The following LPAR1 variants were observed in gnomAD, a reference collection of about 807,000 sequenced individuals.
LPAR1 encodes LPA receptor 1.
A neutral mutation model predicts 23.8 loss-of-function variants in LPAR1; 5 were observed. That is an observed-to-expected ratio of 0.21 (90% CI 0.11 to 0.44). The LOEUF (loss-of-function observed/expected upper bound fraction) is 0.44. Ranked by LOEUF, LPAR1 falls within the 20% of genes least tolerant of loss-of-function variation. The probability of loss-of-function intolerance (pLI) is 0.99; values close to 1 mark genes in which losing one functional copy is unlikely to be tolerated. For missense variants in LPAR1, 311 were observed against 482.8 expected, an observed-to-expected ratio of 0.64 and a Z score of 3.33; for synonymous variants, 160 against 164.7, an observed-to-expected ratio of 0.97 and a Z score of 0.22.
At chr9:110,932,952 A>G (rs1443948554) in intron 5 of LPAR1, among the ~76,000 whole-genome samples, 1 of 152,190 alleles carries the variant, frequency 6.6e-6, no homozygotes, top group Non-Finnish European at 1.5e-5. Context: ...GATCCATCTG[A>G]GGGAGCTCAT....
In LPAR1 at chr9:111,036,999, G is replaced by T. The variant is rs575244452; in HGVS notation, c.-261-798C>A. Among the ~76,000 whole-genome samples the T allele has an allele frequency of 1.4e-4, 22 of 151,952 alleles. No individual in the cohort carries two copies. In the South Asian group the frequency reaches 4.6e-3, roughly 32 times the overall value. ...CTCTAAAATACACCCTTTTTCCTTG[G>T]GACCCACTCTTCTATCCGGCAAGGG... On this transcript the variant is annotated intron_variant, in intron 1 of 5. Coordinates refer to ENST00000683809, the MANE Select transcript of LPAR1 (RefSeq NM_001351411.2).
At position 110,996,585 on chromosome 9, in the gene LPAR1, C is replaced by T. The variant is rs150631393; in HGVS notation, c.-181-23027G>A. ...AATTTCCTGGGGCTTGAGAAGGAAG[C>T]GTGTGCCAAAGGGCTGAGGTTACAG... On this transcript the variant is annotated intron_variant, in intron 2 of 5. Coordinates refer to ENST00000683809, the MANE Select transcript of LPAR1 (RefSeq NM_001351411.2). 6.5e-4 allele frequency among the ~76,000 whole-genome samples: 99 copies of T among 152,156 alleles called. No homozygotes were observed. In the East Asian group the frequency reaches 0.013, roughly 20 times the overall value.
intron 5 of LPAR1, among the ~76,000 whole-genome samples, chr9:110,921,731 C>T (rs1200520481): frequency 2.6e-5 from 4 of 152,188 alleles, no homozygotes; most frequent in Non-Finnish European, 5.9e-5. Context: ...TGTTATAAAG[C>T]AGAGTGTTCC....
At chr9:111,009,438 CA>C (rs2097284509) in intron 2 of LPAR1, among the ~76,000 whole-genome samples, 1 of 152,004 alleles carries the variant, frequency 6.6e-6, no homozygotes. Flanking sequence ...ATGTTTGATA[CA>C]TTCCTAAATA....
chr9:111,000,410 G>T (rs1445697909), intron 2 of LPAR1, among the ~76,000 whole-genome samples: 1 of 152,154 alleles, frequency 6.6e-6, no homozygotes, highest in Non-Finnish European at 1.5e-5. Flanking sequence ...CTTCTTAGGG[G>T]CATGGGGCCA....
intron 5 of LPAR1, among the ~76,000 whole-genome samples, chr9:110,906,799 C>T (rs12001714): frequency 0.047 from 7,157 of 152,092 alleles, 299 homozygotes; most frequent in African/African-American, 0.11. Context: ...AAATATATCA[C>T]ATAAAGTAAA....
intron 2 of LPAR1, among the ~76,000 whole-genome samples, chr9:110,983,697 A>G (rs12341719): frequency 1.2e-3 from 177 of 152,172 alleles, no homozygotes; most frequent in African/African-American, 4.0e-3. Flanking sequence ...CAGGAAAACT[A>G]TGAAGTAAAT....
At chr9:110,969,123 C>T (rs751605099) in intron 4 of LPAR1, among the ~76,000 whole-genome samples, 2 of 152,002 alleles carry the variant, frequency 1.3e-5, no homozygotes, top group East Asian at 1.9e-4. Flanking sequence ...AAACTAAATA[C>T]TAAGGAATAA....
At chr9:110,989,460 A>G (rs1397455042) in intron 2 of LPAR1, among the ~76,000 whole-genome samples, 2 of 152,250 alleles carry the variant, frequency 1.3e-5, no homozygotes, top group Admixed American at 1.3e-4. Flanking sequence ...AGAGTTTATT[A>G]CAAAAGTTTT....
rs1188126016 is a variant in LPAR1 at position 110,924,670 on chromosome 9, GA to G, written c.793+16750del. On this transcript the variant is annotated intron_variant, in intron 5 of 5. Coordinates refer to ENST00000683809, the MANE Select transcript of LPAR1 (RefSeq NM_001351411.2). Reference sequence around the variant, plus strand: ...CAACATAGCAATACACTATCTCTTAGAAAAAAAAAAAGAGGAAATGTGATGT... The same window carrying G: ...CAACATAGCAATACACTATCTCTTAGAAAAAAAAAAGAGGAAATGTGATGT... Among the ~76,000 whole-genome samples, 1,008 of 138,892 alleles carry G rather than the reference GA, an allele frequency of 7.3e-3. 14 individuals carry two copies. Among genetic ancestry groups the G allele is most frequent in the African/African-American group, 0.024 (901 of 38,106 alleles). 91.1% of individuals were successfully genotyped at this position (138,892 alleles called of 152,430 possible).
intron 4 of LPAR1, among the ~76,000 whole-genome samples, chr9:110,956,325 T>C (rs1403746667): frequency 6.6e-6 from 1 of 152,012 alleles, no homozygotes; most frequent in Non-Finnish European, 1.5e-5. Context: ...CACCATAGCA[T>C]GTGTATACCT....
chr9:110,974,391 C>A (rs1455126174), intron 2 of LPAR1, among the ~76,000 whole-genome samples: 2 of 152,180 alleles, frequency 1.3e-5, no homozygotes, highest in African/African-American at 4.8e-5. Context: ...CCCCACATCC[C>A]TTGGTGCTAC....
intron 5 of LPAR1, among the ~76,000 whole-genome samples, chr9:110,883,724 C>T (rs981656066): frequency 6.6e-6 from 1 of 152,174 alleles, no homozygotes; most frequent in East Asian, 1.9e-4. Flanking sequence ...AAGAAACACA[C>T]AGTTTATTAC....
intron 2 of LPAR1, among the ~76,000 whole-genome samples, chr9:111,015,914 C>T (rs2097435423): frequency 6.6e-6 from 1 of 151,716 alleles, no homozygotes; most frequent in Non-Finnish European, 1.5e-5. Context: ...TGCCCCAAGG[C>T]CAGCCTCCTC....
intron 5 of LPAR1, among the ~76,000 whole-genome samples, chr9:110,886,494 T>C (rs2082453705): frequency 6.6e-6 from 1 of 150,678 alleles, no homozygotes; most frequent in Non-Finnish European, 1.5e-5. Flanking sequence ...AATTTTCAAG[T>C]CACTGATATT....
Position 110,875,407 on chromosome 9 carries a change from T to C in LPAR1, c.*14A>G, listed in dbSNP as rs751169404. 3 of 1,597,402 alleles carry C rather than the reference T, an allele frequency of 1.9e-6. No individual in the cohort carries two copies. Among genetic ancestry groups the C allele is most frequent in the Non-Finnish European group, 1.7e-6 (2 of 1,168,240 alleles). Reference sequence around the variant, plus strand: ...CCAAGAGAGGACGGCTGGTTCCTCATCTCAGTTTCCGTTCTAAACCACAGA... The same window carrying C: ...CCAAGAGAGGACGGCTGGTTCCTCACCTCAGTTTCCGTTCTAAACCACAGA... On this transcript the variant is annotated 3_prime_UTR_variant, in exon 6 of 6. Coordinates refer to ENST00000683809, the MANE Select transcript of LPAR1 (RefSeq NM_001351411.2).
chr9:110,892,490 C>A (rs1017898669), intron 5 of LPAR1, among the ~76,000 whole-genome samples: 3 of 152,008 alleles, frequency 2.0e-5, no homozygotes, highest in Non-Finnish European at 4.4e-5. Flanking sequence ...ATGGTGAAAC[C>A]CCATCTCTAC....
intron 5 of LPAR1, among the ~76,000 whole-genome samples, chr9:110,899,112 G>T (rs577902286): frequency 6.6e-6 from 1 of 152,288 alleles, no homozygotes; most frequent in Non-Finnish European, 1.5e-5. Flanking sequence ...TGTTAAGAAT[G>T]GAAATACTGG....
chr9:110,880,097 G>A (rs1018609214), intron 5 of LPAR1, among the ~76,000 whole-genome samples: 14 of 152,308 alleles, frequency 9.2e-5, no homozygotes, highest in Non-Finnish European at 1.8e-4. Flanking sequence ...GAACAAAAGT[G>A]GTTATATTGT....
Sources: gnomAD v4.1 joint callset for allele counts (sites outside exome capture counted in the v4.1 genomes callset) on GRCh38, gnomAD v4.1.1 for gene constraint, MANE v1.5 for transcripts, NCBI Gene and HGNC (gene_info 2026-07-23, HGNC 2026-07-21) for gene names.